Variants in GPRASP3 observed in about 807,000 individuals in gnomAD.
The protein encoded by GPRASP3 is G protein-coupled receptor associated sorting protein family member 3.
chrX:102,726,614 G>A, the GPRASP3 span, among the ~76,000 whole-genome samples: 1 of 111,700 alleles, frequency 9.0e-6, no homozygotes, highest in African/African-American at 3.3e-5. Flanking sequence ...AAGTATCTAC[G>A]ACTTTCTATA....
chrX:102,720,796 C>A, the GPRASP3 span: 1 of 112,110 alleles, frequency 8.9e-6, no homozygotes, highest in Admixed American at 9.4e-5. Flanking sequence ...CAGAGCAGAA[C>A]GTGGGAGGAA....
the GPRASP3 span, among the ~76,000 whole-genome samples, chrX:102,730,056 T>C: frequency 2.7e-5 from 3 of 112,003 alleles, no homozygotes; most frequent in Admixed American, 2.8e-4. Flanking sequence ...TATTATTACA[T>C]TGTAATAGAT....
chrX:102,721,237 A>C, the GPRASP3 span: 1 of 111,566 alleles, frequency 9.0e-6, no homozygotes, highest in South Asian at 3.8e-4. Flanking sequence ...GGGAGCCCAG[A>C]GCGGGGAAAT....
chrX:102,722,484 C>T, the GPRASP3 span, among the ~76,000 whole-genome samples: 8 of 111,852 alleles, frequency 7.2e-5, no homozygotes, highest in Non-Finnish European at 1.3e-4. Context: ...ATTACATAGG[C>T]GTGATTGATG....
the GPRASP3 span, among the ~76,000 whole-genome samples, chrX:102,743,241 G>A: frequency 9.2e-6 from 1 of 109,092 alleles, no homozygotes; most frequent in East Asian, 2.9e-4. Context: ...AGGCAGATTT[G>A]CCCTAAGCAG....
At chrX:102,750,003 T>C in the GPRASP3 span, 1 of 1,202,719 alleles carries the variant, frequency 8.3e-7, no homozygotes, top group African/African-American at 1.7e-5. Flanking sequence ...AGTCAACTAC[T>C]GATCCTCTTA....
At chrX:102,726,976 T>A in the GPRASP3 span, among the ~76,000 whole-genome samples, 1 of 112,596 alleles carries the variant, frequency 8.9e-6, no homozygotes, top group Non-Finnish European at 1.9e-5. Flanking sequence ...TTTTCTTTCC[T>A]GGGAAACATG....
chrX:102,748,913 T>A, the GPRASP3 span: 2 of 998,317 alleles, frequency 2.0e-6, no homozygotes, highest in East Asian at 3.1e-5. Flanking sequence ...CCCGACCCAG[T>A]GAAAGAGTGT....
chrX:102,750,186 A>G, the GPRASP3 span: 4 of 1,204,302 alleles, frequency 3.3e-6, no homozygotes, highest in Admixed American at 9.0e-5. Context: ...GGGATGAAAG[A>G]CAACGCAAAA....
chrX:102,732,044 T>C, the GPRASP3 span, among the ~76,000 whole-genome samples: 1 of 111,913 alleles, frequency 8.9e-6, no homozygotes, highest in South Asian at 3.7e-4. Flanking sequence ...CTGCCAACTA[T>C]CACTTTTAAA....
At chrX:102,740,382 C>G in the GPRASP3 span, among the ~76,000 whole-genome samples, 2 of 111,898 alleles carry the variant, frequency 1.8e-5, no homozygotes, top group South Asian at 7.5e-4. Flanking sequence ...GGGAATTCTT[C>G]CGAATCTTAA....
chrX:102,728,752 C>T, the GPRASP3 span, among the ~76,000 whole-genome samples: 4 of 109,590 alleles, frequency 3.6e-5, no homozygotes, highest in Admixed American at 3.9e-4. Context: ...TTTCACTGCT[C>T]TTTAGCTTCC....
At chrX:102,728,654 C>T in the GPRASP3 span, among the ~76,000 whole-genome samples, 1,064 of 90,120 alleles carry the variant, frequency 0.012, 22 homozygotes, top group African/African-American at 0.044. Flanking sequence ...TGGACTTAAG[C>T]GATCCTCCCA....
the GPRASP3 span, among the ~76,000 whole-genome samples, chrX:102,738,629 C>A: frequency 1.8e-5 from 2 of 111,860 alleles, no homozygotes; most frequent in Non-Finnish European, 3.8e-5. Flanking sequence ...GAACCGTGGG[C>A]CCCTGTCCAT....
chrX:102,750,646 C>A, the GPRASP3 span: 1 of 1,149,527 alleles, frequency 8.7e-7, no homozygotes, highest in Non-Finnish European at 1.2e-6. Flanking sequence ...GTAAAATGAG[C>A]CAGAGATAGA....
chrX:102,750,207 T>C, the GPRASP3 span: 155 of 1,202,525 alleles, frequency 1.3e-4, no homozygotes, highest in Middle Eastern at 1.2e-3. Flanking sequence ...TTGAATTACA[T>C]GTTAAGCATA....
the GPRASP3 span, among the ~76,000 whole-genome samples, chrX:102,725,590 G>A: frequency 9.4e-6 from 1 of 106,242 alleles, no homozygotes; most frequent in African/African-American, 3.5e-5. Flanking sequence ...GCAGTGGCAC[G>A]ATCTCAGCTC....
At chrX:102,722,311 T>C in the GPRASP3 span, among the ~76,000 whole-genome samples, 61 of 111,824 alleles carry the variant, frequency 5.5e-4, no homozygotes, top group African/African-American at 2.0e-3. Context: ...ATAAAGGATA[T>C]AAATCAAAAG....
At chrX:102,736,323 A>AT in the GPRASP3 span, among the ~76,000 whole-genome samples, 1 of 112,416 alleles carries the variant, frequency 8.9e-6, no homozygotes, top group Non-Finnish European at 1.9e-5. Context: ...TTAAGCATTT[A>AT]TTTTTTAACA....
Sources: gnomAD v4.1 joint callset for allele counts (sites outside exome capture counted in the v4.1 genomes callset) on GRCh38, gnomAD v4.1.1 for gene constraint, MANE v1.5 for transcripts, NCBI Gene and HGNC (gene_info 2026-07-23, HGNC 2026-07-21) for gene names.